The following RFX3 variants were observed in gnomAD, a reference collection of about 807,000 sequenced individuals.
The protein encoded by RFX3 is regulatory factor X3.
RFX3 carries 14 observed loss-of-function variants against 98.6 expected under a neutral mutation model. The ratio of observed to expected loss-of-function variants is 0.14; its 90% CI spans 0.09 to 0.22. RFX3 has a LOEUF of 0.22. RFX3 is among the 10% of genes least tolerant of loss of function. The pLI, the probability that RFX3 is intolerant of heterozygous loss-of-function variation, is 1.00. For missense variants in RFX3, 639 were observed against 926.9 expected, an observed-to-expected ratio of 0.69 and a Z score of 4.03; for synonymous variants, 383 against 328.4, an observed-to-expected ratio of 1.17 and a Z score of -1.80.
chr9:3,245,126 A>C (rs930888453), intron 15 of RFX3, among the ~76,000 whole-genome samples: 1 of 152,222 alleles, frequency 6.6e-6, no homozygotes, highest in Non-Finnish European at 1.5e-5. Flanking sequence ...AGAACTGTGC[A>C]ATTAGTATTG....
chr9:3,470,318 C>CTT lies in RFX3; in HGVS notation c.-9+55427_-9+55428dup, dbSNP rs1022376234. On this transcript the variant is annotated intron_variant, in intron 1 of 16. Transcript: ENST00000617270. The stretch of plus-strand genomic sequence containing the variant: ...AGATTCTTTTCTTTTTTTCTTTTTC[C>CTT]TTTTTTTTTTTTTTGAGACGGAGTC... 5.2e-3 allele frequency among the ~76,000 whole-genome samples: 741 copies of CTT among 142,292 alleles called. 13 individuals are homozygous for CTT. The highest frequency in any genetic ancestry group is 0.018 in the African/African-American group (691 of 38,910). 93.3% of individuals were successfully genotyped at this position (142,292 alleles called of 152,430 possible). A position where few individuals can be genotyped will look rare whatever the true frequency, so the allele number is the denominator to read the frequency against.
chr9:3,507,100 T>C (rs1300443935), intron 1 of RFX3, among the ~76,000 whole-genome samples: 14 of 151,912 alleles, frequency 9.2e-5, no homozygotes, highest in African/African-American at 3.4e-4. Context: ...TTATGGAGTC[T>C]TCTGCCCTCA....
chr9:3,236,686 CAGACACCACATTGCT>C (rs1189145163), intron 15 of RFX3, among the ~76,000 whole-genome samples: 1 of 152,200 alleles, frequency 6.6e-6, no homozygotes, highest in Non-Finnish European at 1.5e-5. Context: ...ACACACAAAG[CAGACACCACATTGCT>C]AGAAGCATTC....
intron 1 of RFX3, among the ~76,000 whole-genome samples, chr9:3,504,856 T>TAACATATATTA (rs1338480314): frequency 3.8e-5 from 3 of 78,216 alleles, no homozygotes; most frequent in Non-Finnish European, 6.1e-5. Flanking sequence ...ATATTATATA[T>TAACATATATTA]GATATAATAT....
chr9:3,487,241 G>C (rs1380693665), intron 1 of RFX3, among the ~76,000 whole-genome samples: 3 of 152,160 alleles, frequency 2.0e-5, no homozygotes, highest in Middle Eastern at 3.4e-3. Flanking sequence ...ACCAGGCTTG[G>C]GGTTATGAAA....
intron 1 of RFX3, among the ~76,000 whole-genome samples, chr9:3,429,062 T>A (rs553135507): frequency 8.7e-5 from 13 of 150,030 alleles, no homozygotes; most frequent in South Asian, 2.1e-4. Context: ...TCGCTGTGTC[T>A]CCCAGGCTGG....
chr9:3,379,841 T>C (rs954363864), intron 2 of RFX3, among the ~76,000 whole-genome samples: 1 of 152,132 alleles, frequency 6.6e-6, no homozygotes, highest in Non-Finnish European at 1.5e-5. Context: ...CACCACTACA[T>C]CAATTATTTT....
intron 7 of RFX3, among the ~76,000 whole-genome samples, chr9:3,279,197 G>C (rs899801921): frequency 5.3e-5 from 8 of 151,704 alleles, no homozygotes; most frequent in Non-Finnish European, 1.2e-4. Flanking sequence ...TAGCAGACTT[G>C]AATGATTTTA....
At chr9:3,247,773 T>A (rs1209798874) in intron 15 of RFX3, 16 of 1,585,922 alleles carry the variant, frequency 1.0e-5, no homozygotes, top group Non-Finnish European at 1.3e-5. Context: ...GTTTTTCTTT[T>A]ACATAGGTAC....
intron 13 of RFX3, among the ~76,000 whole-genome samples, chr9:3,260,924 A>G (rs2131183601): frequency 6.6e-6 from 1 of 150,834 alleles, no homozygotes; most frequent in South Asian, 2.1e-4. Context: ...CTATATATAT[A>G]TATATCTCAG....
chr9:3,271,059 T>C lies in RFX3; in HGVS notation c.1146A>G (p.Thr382=), dbSNP rs751685457. ...GAGTAGAGGGAGAATAGCGCCAGAA[T>C]GTTTGCCACAATTTTTCTATCAGGC... is the stretch of plus-strand genomic sequence containing the variant. The part of the protein sequence containing the change: ...QFSLIEKLWQ[T]FWRYSPSTPT... Residue 382 remains threonine, a synonymous_variant, in exon 10 of 17, where the codon ACA becomes ACG. Transcript: ENST00000617270. 2 of 1,613,920 alleles carry C rather than the reference T, an allele frequency of 1.2e-6. No individual in the cohort carries two copies. The highest frequency in any genetic ancestry group is 1.1e-5 in the South Asian group (1 of 91,082).
At position 3,275,548 on chromosome 9, in the gene RFX3, G is replaced by C; in HGVS notation, c.1038C>G (p.Thr346=). The C allele has an allele frequency of 1.9e-6, 3 of 1,612,516 alleles. No homozygotes were observed. The East Asian group carries it at 6.7e-5, about 36-fold the overall frequency. The part of the protein sequence containing the change: ...VEISSLPDGT[T]FEDIKSLQSL... ...TCTGCAGTGACTTGATATCCTCAAA[G>C]GTAGTACCATCTGGCAGAGAAGAGA... Residue 346 remains threonine, a synonymous_variant, in exon 9 of 17, where the codon ACC becomes ACG. Transcript: ENST00000617270.
intron 13 of RFX3, among the ~76,000 whole-genome samples, chr9:3,262,412 G>C (rs1038450985): frequency 6.6e-6 from 1 of 152,104 alleles, no homozygotes; most frequent in Non-Finnish European, 1.5e-5. Context: ...TTCTTTTCAA[G>C]TGAATAAATA....
rs544308560 is a variant in RFX3, at chr9:3,373,060, G to C, written c.117+22412C>G. On this transcript the variant is annotated intron_variant, in intron 2 of 16. Transcript: ENST00000617270. ...ATTTAGTACTAGCCAACTATTCGTTGCCATATCTCTATGTTTGTATCTCTA... is the reference window on the plus strand; with the variant it reads ...ATTTAGTACTAGCCAACTATTCGTTCCCATATCTCTATGTTTGTATCTCTA... 7.2e-5 allele frequency among the ~76,000 whole-genome samples: 11 copies of C among 152,196 alleles called. No individual in the cohort carries two copies. In the East Asian group the frequency reaches 2.1e-3, roughly 29 times the overall value.
intron 1 of RFX3, among the ~76,000 whole-genome samples, chr9:3,482,548 T>C (rs184427769): frequency 1.3e-5 from 2 of 152,378 alleles, no homozygotes; most frequent in East Asian, 1.9e-4. Context: ...GTCATAAGCA[T>C]GAACAGGTTC....
intron 7 of RFX3, among the ~76,000 whole-genome samples, chr9:3,284,839 G>A (rs1306661421): frequency 6.6e-6 from 1 of 151,566 alleles, no homozygotes; most frequent in Non-Finnish European, 1.5e-5. Flanking sequence ...GAAACTGCAG[G>A]CTCTATGACA....
chr9:3,244,550 C>T (rs1820384644), intron 15 of RFX3, among the ~76,000 whole-genome samples: 1 of 152,104 alleles, frequency 6.6e-6, no homozygotes, highest in South Asian at 2.1e-4. Context: ...GAAAACTTCC[C>T]CTTGGCTGTG....
chr9:3,269,191 T>C (rs1021642055), intron 11 of RFX3, among the ~76,000 whole-genome samples: 2 of 151,988 alleles, frequency 1.3e-5, no homozygotes, highest in Non-Finnish European at 2.9e-5. Flanking sequence ...CTTATTCCTA[T>C]ATAAATTTAC....
rs36100895 is a variant in RFX3 at position 3,509,801 on chromosome 9, T to TA, written c.-9+15945dup. Among the ~76,000 whole-genome samples the TA allele has an allele frequency of 7.9e-5, 12 of 151,842 alleles. No individual in the cohort carries two copies. In the East Asian group the frequency reaches 2.3e-3, roughly 29 times the overall value. ...GCAGTACATTTGAGTTCTTTGCCTT[T>TA]AAAAAAAGTTTTGTATTAGCCCTAA... On this transcript the variant is annotated intron_variant, in intron 1 of 16. Transcript: ENST00000617270.
Sources: gnomAD v4.1 joint callset for allele counts (sites outside exome capture counted in the v4.1 genomes callset) on GRCh38, gnomAD v4.1.1 for gene constraint, MANE v1.5 for transcripts, NCBI Gene and HGNC (gene_info 2026-07-23, HGNC 2026-07-21) for gene names.